HAT1: variants seen among roughly 807,000 people sequenced by gnomAD.
The protein encoded by HAT1 is histone acetyltransferase 1, also known as histone acetyltransferase type B catalytic subunit.
In HAT1, 20 loss-of-function variants were observed where a neutral mutation model predicts 56.6. That is an observed-to-expected ratio of 0.35 (90% CI 0.25 to 0.51). HAT1 has a LOEUF of 0.51. Ranked by LOEUF, HAT1 falls within the 20% of genes least tolerant of loss-of-function variation. HAT1 has a pLI of 0.95. For synonymous variants in HAT1, 146 were observed against 165.5 expected, an observed-to-expected ratio of 0.88 and a Z score of 0.91; for missense variants, 408 against 504.3, an observed-to-expected ratio of 0.81 and a Z score of 1.83.
At chr2:171,959,200 C>T (rs1034048128) in intron 4 of HAT1, among the ~76,000 whole-genome samples, 3 of 152,174 alleles carry the variant, frequency 2.0e-5, no homozygotes, top group African/African-American at 2.4e-5. Context: ...TAGCATTTAA[C>T]ACATTTATTA....
chr2:171,969,920 A>C (rs1687772778), intron 8 of HAT1, among the ~76,000 whole-genome samples: 1 of 152,104 alleles, frequency 6.6e-6, no homozygotes, highest in African/African-American at 2.4e-5. Context: ...TGGGAGGCTG[A>C]GCTGGAGGGT....
In HAT1 at chr2:171,974,165, C is replaced by A. The variant is rs556980686; in HGVS notation, c.824-1992C>A. 2.0e-4 allele frequency among the ~76,000 whole-genome samples: 21 copies of A among 105,726 alleles called. No homozygotes were observed. In the South Asian group the frequency reaches 4.6e-3, roughly 23 times the overall value. The allele number at this position is 105,726 out of a possible 152,430, so 69.4% of individuals were successfully genotyped here. A position where few individuals can be genotyped will look rare whatever the true frequency, so the allele number is the denominator to read the frequency against. The stretch of plus-strand genomic sequence containing the variant: ...TGCACTGCAGCCTGGGTGAGTGAGA[C>A]CCTGTCTCAAAAAAAAAAAAAAAAA... On this transcript the variant is annotated intron_variant, in intron 8 of 10. Transcript: ENST00000264108.
At chr2:171,973,840 T>C (rs770801542) in intron 8 of HAT1, among the ~76,000 whole-genome samples, 1 of 152,110 alleles carries the variant, frequency 6.6e-6, no homozygotes, top group Non-Finnish European at 1.5e-5. Flanking sequence ...TTTTTGGCAC[T>C]TCTGGTACCA....
chr2:171,942,454 C>T (rs183368048), intron 2 of HAT1, among the ~76,000 whole-genome samples: 4 of 151,960 alleles, frequency 2.6e-5, no homozygotes, highest in East Asian at 1.9e-4. Context: ...TCGAGGTTAC[C>T]GTATCATGTT....
intron 2 of HAT1, among the ~76,000 whole-genome samples, chr2:171,934,787 G>A (rs1371982563): frequency 1.5e-5 from 2 of 136,076 alleles, no homozygotes; most frequent in Non-Finnish European, 3.1e-5. Flanking sequence ...CAGAATTTTG[G>A]TCTTGTCATC....
At position 171,976,311 on chromosome 2, in the gene HAT1, AT is replaced by A; in HGVS notation, c.975+8del. The A allele has an allele frequency of 6.6e-7, 1 of 1,525,400 alleles. No individual in the cohort carries two copies. The highest frequency in any genetic ancestry group is 8.9e-7 in the Non-Finnish European group (1 of 1,123,256). The allele number at this position is 1,525,400 out of a possible 1,614,324, so 94.5% of individuals were successfully genotyped here. On this transcript the variant is annotated splice_donor_region_variant and intron_variant, in intron 9 of 10. Transcript: ENST00000264108. ...AACAGAAGTTCAAAATAAATAAGGT[AT>A]TTTTATTCTGTAGGAGGAAAACAGA...
intron 9 of HAT1, among the ~76,000 whole-genome samples, chr2:171,977,550 TATATATA>T (rs1288666242): frequency 1.1e-4 from 2 of 17,790 alleles, no homozygotes; most frequent in Non-Finnish European, 1.9e-4. Flanking sequence ...TATATATATA[TATATATA>T]TTTTTTTTTT....
chr2:171,953,057 GT>G, intron 4 of HAT1, 56 bp downstream of exon 4: 2 of 1,321,868 alleles, frequency 1.5e-6, no homozygotes, highest in South Asian at 1.4e-5. Flanking sequence ...TTTAAAATAG[GT>G]TTTAGGCCAG....
chr2:171,925,673 A>G, intron 2 of HAT1, 32 bp downstream of exon 2: 1 of 883,038 alleles, frequency 1.1e-6, no homozygotes, highest in Non-Finnish European at 1.9e-6. Flanking sequence ...GATGTTATGT[A>G]CATACTGTGT....
intron 4 of HAT1, among the ~76,000 whole-genome samples, chr2:171,954,099 T>C (rs1230559989): frequency 6.6e-6 from 1 of 152,236 alleles, no homozygotes; most frequent in Non-Finnish European, 1.5e-5. Context: ...TCCTGTTCTG[T>C]TTCCTGCATG....
chr2:171,960,804 GA>G (rs1415452276), intron 4 of HAT1, among the ~76,000 whole-genome samples: 1 of 151,622 alleles, frequency 6.6e-6, no homozygotes, highest in Non-Finnish European at 1.5e-5. Context: ...TTGAGGCCAG[GA>G]ATTTGAGACC....
Position 171,983,562 on chromosome 2 carries a change from C to T in HAT1, c.*210C>T, listed in dbSNP as rs1688187625. ...ATATTGCATTTAAAGAAAGATAAAG[C>T]TTCTGAAATACTACTGCAATTGCTT... On this transcript the variant is annotated 3_prime_UTR_variant, in exon 11 of 11. Transcript: ENST00000264108. 1 of 368,024 alleles carries T rather than the reference C, an allele frequency of 2.7e-6. No homozygotes were observed. Among genetic ancestry groups the T allele is most frequent in the Non-Finnish European group, 4.9e-6 (1 of 206,000 alleles). 22.8% of individuals were successfully genotyped at this position (368,024 alleles called of 1,614,324 possible). A position where few individuals can be genotyped will look rare whatever the true frequency, so the allele number is the denominator to read the frequency against.
chr2:171,939,533 G>C (rs1686965654), intron 2 of HAT1, among the ~76,000 whole-genome samples: 1 of 152,198 alleles, frequency 6.6e-6, no homozygotes, highest in Admixed American at 6.5e-5. Context: ...AGCGGCTGTT[G>C]TAACTCAAAA....
intron 7 of HAT1, 27 bp from the exon 8 acceptor site, chr2:171,966,810 TATTTTA>T: frequency 5.1e-6 from 5 of 979,464 alleles, no homozygotes; most frequent in Non-Finnish European, 8.1e-6. Context: ...CATGTTATGA[TATTTTA>T]ATTTTAAAAT....
chr2:171,955,104 TTG>T (rs1324207774), intron 4 of HAT1, among the ~76,000 whole-genome samples: 1 of 152,168 alleles, frequency 6.6e-6, no homozygotes, highest in Non-Finnish European at 1.5e-5. Context: ...AGAATAAATA[TTG>T]TTTTAAGCCA....
At chr2:171,955,330 G>T (rs1687412768) in intron 4 of HAT1, among the ~76,000 whole-genome samples, 1 of 152,138 alleles carries the variant, frequency 6.6e-6, no homozygotes, top group East Asian at 1.9e-4. Flanking sequence ...AGGAAATATG[G>T]GCTGGGCGCA....
chr2:171,953,327 CAG>C (rs1376087092), intron 4 of HAT1, among the ~76,000 whole-genome samples: 2 of 151,962 alleles, frequency 1.3e-5, no homozygotes, highest in African/African-American at 4.8e-5. Flanking sequence ...GCCTGGATGA[CAG>C]AGCTAGACCC....
chr2:171,925,437 G>C, intron 1 of HAT1, 100 bp from the exon 2 acceptor site: 1 of 640,776 alleles, frequency 1.6e-6, no homozygotes, highest in Non-Finnish European at 2.9e-6. Context: ...CTATCAGCAT[G>C]TTTTAAATCA....
chr2:171,975,938 A>G (rs1249885386), intron 8 of HAT1, among the ~76,000 whole-genome samples: 1 of 131,966 alleles, frequency 7.6e-6, no homozygotes, highest in Non-Finnish European at 1.6e-5. Flanking sequence ...CTCTTAGGTT[A>G]TATTGATTTG....
Sources: allele counts gnomAD v4.1 joint callset (sites outside exome capture counted in the v4.1 genomes callset), GRCh38; gene constraint gnomAD v4.1.1; transcripts MANE v1.5; gene names NCBI Gene and HGNC (gene_info 2026-07-23, HGNC 2026-07-21).